Variants in TMCC1 observed in about 807,000 individuals in gnomAD.
The protein encoded by TMCC1 is transmembrane and coiled-coil domains protein 1.
A neutral mutation model predicts 52.4 loss-of-function variants in TMCC1; 15 were observed. That is an observed-to-expected ratio of 0.29 (90% CI 0.19 to 0.44). The LOEUF is 0.44. TMCC1 is among the 20% of genes least tolerant of loss of function. The pLI is 1.00. For synonymous variants in TMCC1, 279 were observed against 301.9 expected, an observed-to-expected ratio of 0.92 and a Z score of 0.79; for missense variants, 503 against 806.0, an observed-to-expected ratio of 0.62 and a Z score of 4.55.
At chr3:129,827,758 T>A in intron 4 of TMCC1, 45 bp downstream of exon 4, 1 of 1,584,210 alleles carries the variant, frequency 6.3e-7, no homozygotes, top group South Asian at 1.1e-5. Context: ...GTCCTAGGTA[T>A]GAAAAACAGT....
At position 129,893,636 on chromosome 3, in the gene TMCC1, A is replaced by AGCC. The variant is rs1447355719; in HGVS notation, c.-580_-578dup. 4.5e-5 allele frequency: 6 copies of AGCC among 133,980 alleles called. No individual in the cohort carries two copies. Among genetic ancestry groups the AGCC allele is most frequent in the African/African-American group, 1.7e-4 (6 of 36,038 alleles). The allele number at this position is 133,980 out of a possible 1,614,324, so 8.3% of individuals were successfully genotyped here. Reference sequence around the variant, plus strand: ...CCCGACCCTCCCCCCGCGCCGCCTCAGCCGCCGCCGCCTCAGTCACCGCCA... The same window carrying AGCC: ...CCCGACCCTCCCCCCGCGCCGCCTCAGCCGCCGCCGCCGCCTCAGTCACCGCCA... On this transcript the variant is annotated 5_prime_UTR_variant, in exon 1 of 7. Coordinates refer to ENST00000393238, the MANE Select transcript of TMCC1 (RefSeq NM_001017395.5).
At chr3:129,834,795 TA>T (rs927476602) in intron 2 of TMCC1, among the ~76,000 whole-genome samples, 44 of 152,282 alleles carry the variant, frequency 2.9e-4, no homozygotes, top group African/African-American at 1.0e-3. Context: ...CGACAGATGC[TA>T]AAAAAGCATC....
chr3:129,795,191 A>G (rs1161411773), intron 4 of TMCC1, among the ~76,000 whole-genome samples: 2 of 151,892 alleles, frequency 1.3e-5, no homozygotes, highest in South Asian at 4.2e-4. Context: ...GAATGAAGTA[A>G]TTTTTTAAAA....
intron 2 of TMCC1, chr3:129,867,120 A>C (rs79185325): frequency 6.6e-6 from 1 of 151,832 alleles, no homozygotes; most frequent in South Asian, 2.1e-4. Flanking sequence ...AAAAAAAAAA[A>C]CACTTCTTCA....
At chr3:129,867,319 T>C (rs2060698833) in intron 2 of TMCC1, among the ~76,000 whole-genome samples, 1 of 152,236 alleles carries the variant, frequency 6.6e-6, no homozygotes, top group African/African-American at 2.4e-5. Flanking sequence ...ATACTTGCAA[T>C]GATAGCCTTC....
chr3:129,670,352 T>A lies in TMCC1; in HGVS notation c.1489A>T (p.Thr497Ser). Residue 497 changes from threonine (T) to serine (S), a missense_variant, in exon 5 of 7, where the codon ACC becomes TCC. Around this residue, in one of 7 missense-constraint regions of TMCC1, gnomAD observed 121 missense variants for 193.6 expected, o/e 0.62. Coordinates refer to ENST00000393238, the MANE Select transcript of TMCC1 (RefSeq NM_001017395.5). The stretch of plus-strand genomic sequence containing the variant: ...TACCTATATCGCTCCTCCTGTAAGG[T>A]CTGCATTATTAAGGAATAGTCCCTC... The part of the protein sequence containing the change: ...YQRDYSLIMQ[T>S]LQEERYRCER... 1 of 1,614,042 alleles carries A rather than the reference T, an allele frequency of 6.2e-7. No homozygotes were observed. Among genetic ancestry groups the A allele is most frequent in the Non-Finnish European group, 8.5e-7 (1 of 1,179,930 alleles).
At chr3:129,754,349 T>G (rs2052799845) in intron 4 of TMCC1, among the ~76,000 whole-genome samples, 1 of 152,212 alleles carries the variant, frequency 6.6e-6, no homozygotes, top group African/African-American at 2.4e-5. Flanking sequence ...TAGCCAGGTC[T>G]TTTTATACAT....
At chr3:129,653,645 T>C (rs974032671) in intron 6 of TMCC1, among the ~76,000 whole-genome samples, 3 of 152,134 alleles carry the variant, frequency 2.0e-5, no homozygotes, top group African/African-American at 7.2e-5. Context: ...GGTTTCACCG[T>C]GTTAGGATGG....
intron 4 of TMCC1, among the ~76,000 whole-genome samples, chr3:129,789,557 T>C (rs1259408717): frequency 6.6e-6 from 1 of 152,220 alleles, no homozygotes; most frequent in East Asian, 1.9e-4. Context: ...CTCGGCTCAC[T>C]GCAAGCTCCG....
rs552779677 is a variant in TMCC1 at position 129,777,490 on chromosome 3, C to A, written c.576+50313G>T. Among the ~76,000 whole-genome samples, 4 of 152,292 alleles carry A rather than the reference C, an allele frequency of 2.6e-5. No homozygotes were observed. The South Asian group carries it at 8.3e-4, about 32-fold the overall frequency. On this transcript the variant is annotated intron_variant, in intron 4 of 6. Coordinates refer to ENST00000393238, the MANE Select transcript of TMCC1 (RefSeq NM_001017395.5). ...TTCCAGTTTGATTTCAGCAAAGGCA[C>A]AAAAGCATTTAAATGACTTAAAAGT...
At chr3:129,791,888 G>T (rs566277220) in intron 4 of TMCC1, among the ~76,000 whole-genome samples, 55 of 152,116 alleles carry the variant, frequency 3.6e-4, no homozygotes, top group African/African-American at 1.3e-3. Context: ...AATATTTTAA[G>T]GAAAATATCC....
Position 129,731,572 on chromosome 3 carries a change from C to T in TMCC1, c.577-60308G>A, listed in dbSNP as rs150946669. ...CAGTCTGGGTGACAGAGTGAGACTC[C>T]GTCTCTAAATAAATAAATAAATAAG... is the stretch of plus-strand genomic sequence containing the variant. On this transcript the variant is annotated intron_variant, in intron 4 of 6. Coordinates refer to ENST00000393238, the MANE Select transcript of TMCC1 (RefSeq NM_001017395.5). 1.2e-4 allele frequency among the ~76,000 whole-genome samples: 18 copies of T among 152,180 alleles called. No individual in the cohort carries two copies. The East Asian group carries it at 2.7e-3, about 23-fold the overall frequency.
intron 2 of TMCC1, among the ~76,000 whole-genome samples, chr3:129,878,401 A>C (rs1308551819): frequency 6.6e-6 from 1 of 152,188 alleles, no homozygotes; most frequent in East Asian, 1.9e-4. Context: ...CAGAAACTCA[A>C]TACAAAAACC....
chr3:129,802,650 C>T (rs1345895378), intron 4 of TMCC1, among the ~76,000 whole-genome samples: 4 of 152,150 alleles, frequency 2.6e-5, no homozygotes, highest in African/African-American at 9.7e-5. Context: ...GCAATAGCAC[C>T]TAGGCCATTG....
At chr3:129,737,555 T>C (rs1395383055) in intron 4 of TMCC1, among the ~76,000 whole-genome samples, 1 of 151,886 alleles carries the variant, frequency 6.6e-6, no homozygotes, top group Non-Finnish European at 1.5e-5. Context: ...GAAGGTGACA[T>C]CTATCTATGA....
intron 4 of TMCC1, among the ~76,000 whole-genome samples, chr3:129,718,278 TA>T: frequency 6.6e-6 from 1 of 152,182 alleles, no homozygotes; most frequent in African/African-American, 2.4e-5. Context: ...ATAAACTGCA[TA>T]AAATTAACTG....
chr3:129,695,922 C>T (rs1333158884), intron 4 of TMCC1, among the ~76,000 whole-genome samples: 1 of 152,148 alleles, frequency 6.6e-6, no homozygotes, highest in Non-Finnish European at 1.5e-5. Context: ...TGTATCATGA[C>T]TTACTTTCCA....
chr3:129,843,783 T>G (rs1457769958), intron 2 of TMCC1, among the ~76,000 whole-genome samples: 2 of 152,018 alleles, frequency 1.3e-5, no homozygotes, highest in Non-Finnish European at 2.9e-5. Context: ...TAATGGTTAA[T>G]TCGACCAACC....
rs759848259 is a variant in TMCC1 at position 129,828,094 on chromosome 3, G to A, written c.285C>T (p.Val95=). Residue 95 remains valine (V), a synonymous_variant, in exon 4 of 7, where the codon GTC becomes GTT. Transcript: ENST00000393238. The surrounding 1 kb of genome is among the most constrained non-coding windows in gnomAD (Gnocchi z 4.1). ...GATTCAGAGCTGTGGGGTGGGTGGG[G>A]ACACCATCAATCTCAGCACATGCGT... ...SQNACAEIDG[V]PTHPTALNRV... The A allele has an allele frequency of 3.7e-6, 6 of 1,614,008 alleles. No homozygotes were observed. The highest frequency in any genetic ancestry group is 3.3e-5 in the Admixed American group (2 of 59,980).
Sources: gnomAD v4.1 joint callset for allele counts (sites outside exome capture counted in the v4.1 genomes callset) on GRCh38, gnomAD v4.1.1 for gene constraint, gnomAD v4.1.1 regional missense constraint, Gnocchi (gnomAD v3.1) non-coding constraint, MANE v1.5 for transcripts, NCBI Gene and HGNC (gene_info 2026-07-23, HGNC 2026-07-21) for gene names.